The following ELL variants were observed in gnomAD, a reference collection of about 807,000 sequenced individuals.
ELL encodes RNA polymerase II elongation factor ELL.
Under a neutral mutation model 64.0 loss-of-function variants are expected in ELL, and 18 were observed. The ratio of observed to expected loss-of-function variants is 0.28; its 90% confidence interval spans 0.19 to 0.42. The LOEUF is 0.42. Ranked by LOEUF, ELL falls within the 10% of genes least tolerant of loss-of-function variation. ELL has a pLI of 1.00. For synonymous variants in ELL, 399 were observed against 376.2 expected (o/e 1.06, Z -0.70); for missense variants, 797 against 870.4 (o/e 0.92, Z 1.06).
rs1974421390 is a variant in ELL at position 18,446,545 on chromosome 19, C to A, written c.1533-65G>T. The A allele has an allele frequency of 1.9e-6, 3 of 1,571,328 alleles. 1 individual carries two copies. The highest frequency in any genetic ancestry group is 2.3e-5 in the South Asian group (2 of 87,246). ...GGACCCAGCCCCACCCAGGAAGTGG[C>A]CATCCTGGCTCCACCGGCGGCCTGG... On this transcript the variant is annotated intron_variant, in intron 9 of 11. Coordinates refer to ENST00000262809, the MANE Select transcript of ELL (RefSeq NM_006532.4).
chr19:18,493,684 G>T (rs996475555), intron 1 of ELL, among the ~76,000 whole-genome samples: 1 of 152,188 alleles, frequency 6.6e-6, no homozygotes, highest in African/African-American at 2.4e-5. Context: ...GACTCCCAAG[G>T]CTCAGTTGGC....
chr19:18,458,403 AGTG>A lies in ELL; in HGVS notation c.745-77_745-75del. On this transcript the variant is annotated intron_variant, in intron 5 of 11. Coordinates refer to ENST00000262809, the MANE Select transcript of ELL (RefSeq NM_006532.4). ...GGGGACTAGAGAAAAAAGATCTGAT[AGTG>A]GGTTTGGGAGGGTGTGCAGAGACAG... 14 of 1,565,252 alleles carry A rather than the reference AGTG, an allele frequency of 8.9e-6. No homozygotes were observed. The South Asian group carries it at 1.5e-4, about 17-fold the overall frequency.
At chr19:18,468,283 A>C (rs529021100) in intron 2 of ELL, among the ~76,000 whole-genome samples, 16 of 152,120 alleles carry the variant, frequency 1.1e-4, no homozygotes, top group African/African-American at 3.6e-4. Flanking sequence ...CCTCCCACAC[A>C]CAAACAACCA....
Position 18,450,594 on chromosome 19 carries a change from T to G in ELL, c.1348A>C (p.Lys450Gln). ...TTGTCTTTGTGCTTCTTGGACTTCT[T>G]CTTGGGCTTGCTGCGCGAGGGGCTG... is the stretch of plus-strand genomic sequence containing the variant. The part of the protein sequence containing the change: ...HGSPSRSKPK[K>Q]KSKKHKDKER... Residue 450 changes from lysine (K) to glutamine (Q), a missense_variant, in exon 8 of 12, where the codon AAG (lysine) becomes CAG (glutamine). Lys to Gln is a moderately conservative substitution (Grantham distance 53, BLOSUM62 1). Coordinates refer to ENST00000262809, the MANE Select transcript of ELL (RefSeq NM_006532.4). 6.2e-7 allele frequency: 1 copy of G among 1,612,420 alleles called. No individual in the cohort carries two copies. Among genetic ancestry groups the G allele is most frequent in the Non-Finnish European group, 8.5e-7 (1 of 1,179,708 alleles).
Position 18,501,996 on chromosome 19 carries a change from C to CG in ELL, c.135+19924dup, listed in dbSNP as rs1975787682. ...GGGTGGTTTGGGGTCAGAAGACACA[C>CG]GATCAGGAACCAGGCGTCACCCCCA... On this transcript the variant is annotated intron_variant, in intron 1 of 11. Transcript: ENST00000262809. The surrounding 1 kb of genome is among the most constrained non-coding windows in gnomAD (Gnocchi z 4.5). 6.6e-6 allele frequency among the ~76,000 whole-genome samples: 1 copy of CG among 152,142 alleles called. No individual in the cohort carries two copies. Among genetic ancestry groups the CG allele is most frequent in the Admixed American group, 6.5e-5 (1 of 15,268 alleles).
At chr19:18,448,268 C>T (rs1974456992) in intron 8 of ELL, 1 of 149,408 alleles carries the variant, frequency 6.7e-6, no homozygotes, top group Admixed American at 6.6e-5. Flanking sequence ...TCTGCACTAT[C>T]CCCTGAGAGA....
chr19:18,521,613 C>G (rs953917449), intron 1 of ELL, among the ~76,000 whole-genome samples: 6 of 152,030 alleles, frequency 3.9e-5, no homozygotes, highest in Non-Finnish European at 8.8e-5. Context: ...CCCAGGTGCC[C>G]AGCAGGCCAG....
chr19:18,477,591 C>A (rs1975204520), intron 1 of ELL, among the ~76,000 whole-genome samples: 1 of 152,136 alleles, frequency 6.6e-6, no homozygotes, highest in Non-Finnish European at 1.5e-5. Context: ...ACATCAGGAG[C>A]CAGCCCCGAC....
At chr19:18,455,793 A>G (rs995477473) in intron 6 of ELL, among the ~76,000 whole-genome samples, 5 of 152,108 alleles carry the variant, frequency 3.3e-5, no homozygotes, top group South Asian at 4.2e-4. Context: ...AAAGGAGAAT[A>G]AAAAAGAGCA....
rs1976294578 is a variant in ELL, at chr19:18,522,032, C to T, written c.24G>A (p.Arg8=). The change falls in exon 1 of 12, where the codon AGG becomes AGA. Residue 8 remains arginine, a synonymous_variant. Coordinates refer to ENST00000262809, the MANE Select transcript of ELL (RefSeq NM_006532.4). ...CCCGCCCGCACGACAGCCCGTAGCT[C>T]CTATCCTCCTTCAGCGCCGCCATCT... MAALKED[R]SYGLSCGRVS... is the part of the protein sequence containing the mutation. 1 of 1,608,042 alleles carries T rather than the reference C, an allele frequency of 6.2e-7. No homozygotes were observed. Among genetic ancestry groups the T allele is most frequent in the Non-Finnish European group, 8.5e-7 (1 of 1,176,968 alleles).
chr19:18,497,770 T>C (rs980740166), intron 1 of ELL, among the ~76,000 whole-genome samples: 15 of 144,146 alleles, frequency 1.0e-4, no homozygotes, highest in Admixed American at 5.7e-4. Context: ...TGAGCTATGG[T>C]TATGCTACTG....
intron 1 of ELL, among the ~76,000 whole-genome samples, chr19:18,488,363 G>A (rs1975460366): frequency 6.6e-6 from 1 of 152,196 alleles, no homozygotes; most frequent in African/African-American, 2.4e-5. Flanking sequence ...GAGCCAAAAG[G>A]AGACCACACA....
At chr19:18,446,563 C>T (rs547462781) in intron 9 of ELL, 83 bp from the exon 10 acceptor site, 4 of 1,543,504 alleles carry the variant, frequency 2.6e-6, no homozygotes, top group Middle Eastern at 1.7e-4. Context: ...GCTCCACCGG[C>T]GGCCTGGCCT....
intron 1 of ELL, among the ~76,000 whole-genome samples, chr19:18,493,300 G>T (rs1203910352): frequency 2.0e-5 from 3 of 152,218 alleles, no homozygotes; most frequent in Admixed American, 1.3e-4. Flanking sequence ...CCAGGGGGAA[G>T]CTGTGCCCAC....
At chr19:18,451,250 T>C (rs1480586035) in intron 7 of ELL, among the ~76,000 whole-genome samples, 1 of 152,186 alleles carries the variant, frequency 6.6e-6, no homozygotes, top group Non-Finnish European at 1.5e-5. Flanking sequence ...GTGCTCAGCA[T>C]GCTTCCCCAG....
chr19:18,444,709 T>G lies in ELL; in HGVS notation c.*43A>C. On this transcript the variant is annotated 3_prime_UTR_variant, in exon 12 of 12. Transcript: ENST00000262809. The stretch of plus-strand genomic sequence containing the variant: ...AAATAAATCCTCTCTCACCGCCTTT[T>G]GCTCCCCCGACCCTCCCAGATCCCC... 3 of 1,534,486 alleles carry G rather than the reference T, an allele frequency of 2.0e-6. No individual in the cohort carries two copies. The highest frequency in any genetic ancestry group is 2.6e-6 in the Non-Finnish European group (3 of 1,138,094).
At chr19:18,487,376 T>G (rs1367756401) in intron 1 of ELL, among the ~76,000 whole-genome samples, 1 of 152,230 alleles carries the variant, frequency 6.6e-6, no homozygotes, top group African/African-American at 2.4e-5. Context: ...CCTTCGTGCT[T>G]GAGGAGCAGC....
At chr19:18,468,354 T>G (rs2144924775) in intron 2 of ELL, among the ~76,000 whole-genome samples, 1 of 152,350 alleles carries the variant, frequency 6.6e-6, no homozygotes, top group East Asian at 1.9e-4. Flanking sequence ...AGATCTGTCC[T>G]GCTTCGACGC....
At chr19:18,507,374 C>G (rs1267399104) in intron 1 of ELL, among the ~76,000 whole-genome samples, 1 of 152,260 alleles carries the variant, frequency 6.6e-6, no homozygotes, top group Non-Finnish European at 1.5e-5. Context: ...CCCACAGCCC[C>G]TTGGCAGAGA....
Sources: allele counts gnomAD v4.1 joint callset (sites outside exome capture counted in the v4.1 genomes callset), GRCh38; gene constraint gnomAD v4.1.1; non-coding constraint Gnocchi (gnomAD v3.1); transcripts MANE v1.5; gene names NCBI Gene and HGNC (gene_info 2026-07-23, HGNC 2026-07-21).